TOX: variants seen among roughly 807,000 people sequenced by gnomAD.
TOX encodes the protein thymocyte selection-associated high mobility group box protein TOX.
In TOX, 11 loss-of-function variants were observed where a neutral mutation model predicts 53.7. The observed-to-expected ratio is 0.20, with a 90% CI of 0.13 to 0.34. The LOEUF (loss-of-function observed/expected upper bound fraction) is 0.34. TOX is among the 10% of genes least tolerant of loss of function. The pLI is 1.00. For synonymous variants in TOX, 225 were observed against 245.3 expected (o/e 0.92, Z 0.77); for missense variants, 570 against 664.6 (o/e 0.86, Z 1.56).
intron 1 of TOX, among the ~76,000 whole-genome samples, chr8:59,053,568 C>A (rs1803832654): frequency 6.6e-6 from 1 of 152,160 alleles, no homozygotes; most frequent in Non-Finnish European, 1.5e-5. Flanking sequence ...CTGTTCTGTA[C>A]TGACATTTTT....
chr8:59,101,976 T>C (rs1209308891), intron 1 of TOX, among the ~76,000 whole-genome samples: 1 of 152,136 alleles, frequency 6.6e-6, no homozygotes, highest in Non-Finnish European at 1.5e-5. Flanking sequence ...AGAAGCCCAC[T>C]GTGGGCAGGT....
At chr8:59,114,927 T>G (rs1359655458) in intron 1 of TOX, among the ~76,000 whole-genome samples, 1 of 152,196 alleles carries the variant, frequency 6.6e-6, no homozygotes, top group Non-Finnish European at 1.5e-5. Flanking sequence ...ATCAAATGTC[T>G]AATGTTTGTC....
Position 58,851,437 on chromosome 8 carries a change from TGGA to T in TOX, c.693+84_693+86del. The stretch of plus-strand genomic sequence containing the variant: ...GTGTCTCCCTCCAATGTTTCTCGCA[TGGA>T]TGATATAAACTTGTACCCAGCACAG... On this transcript the variant is annotated intron_variant, in intron 4 of 8. Transcript: ENST00000361421. The surrounding 1 kb of genome is among the most constrained non-coding windows in gnomAD (Gnocchi z 4.4). 6.9e-7 allele frequency: 1 copy of T among 1,454,028 alleles called. No homozygotes were observed. Among genetic ancestry groups the T allele is most frequent in the South Asian group, 1.3e-5 (1 of 78,430 alleles). 90.1% of individuals were successfully genotyped at this position (1,454,028 alleles called of 1,614,324 possible). A position where few individuals can be genotyped will look rare whatever the true frequency, so the allele number is the denominator to read the frequency against.
intron 2 of TOX, among the ~76,000 whole-genome samples, chr8:58,944,185 C>A (rs142362441): frequency 1.3e-5 from 2 of 152,142 alleles, no homozygotes; most frequent in South Asian, 4.1e-4. Flanking sequence ...GCAAGAGGCA[C>A]TGTGCATCAC....
chr8:58,885,774 T>C (rs917423378), intron 3 of TOX, among the ~76,000 whole-genome samples: 1 of 152,190 alleles, frequency 6.6e-6, no homozygotes, highest in Non-Finnish European at 1.5e-5. Flanking sequence ...TTAATTGCTA[T>C]ACCTCAATCC....
intron 1 of TOX, among the ~76,000 whole-genome samples, chr8:59,066,142 A>G (rs1474164119): frequency 6.6e-6 from 1 of 152,242 alleles, no homozygotes; most frequent in Non-Finnish European, 1.5e-5. Flanking sequence ...ATATTGCTGA[A>G]TGCTGGTCTT....
At chr8:58,981,109 C>T (rs966363870) in intron 1 of TOX, among the ~76,000 whole-genome samples, 9 of 152,138 alleles carry the variant, frequency 5.9e-5, no homozygotes, top group African/African-American at 1.9e-4. Context: ...GACTGCAGTT[C>T]GACTTCCTGT....
intron 3 of TOX, among the ~76,000 whole-genome samples, chr8:58,936,364 T>C (rs955615630): frequency 9.2e-5 from 14 of 152,346 alleles, no homozygotes; most frequent in Admixed American, 2.6e-4. Flanking sequence ...GAGTTCCTAC[T>C]GAGTTCATGG....
intron 7 of TOX, among the ~76,000 whole-genome samples, chr8:58,809,100 G>A (rs1471343300): frequency 2.0e-5 from 3 of 152,146 alleles, no homozygotes; most frequent in Admixed American, 1.3e-4. Context: ...TCTATACTAA[G>A]ATTTATTTTT....
intron 3 of TOX, among the ~76,000 whole-genome samples, chr8:58,869,173 G>T (rs536335245): frequency 6.8e-6 from 1 of 147,642 alleles, no homozygotes; most frequent in Middle Eastern, 3.7e-3. Context: ...GTTGCAGTGA[G>T]CTGAGATTGC....
chr8:58,906,266 A>G (rs2129173239), intron 3 of TOX, among the ~76,000 whole-genome samples: 1 of 152,346 alleles, frequency 6.6e-6, no homozygotes, highest in East Asian at 1.9e-4. Flanking sequence ...GTTGTGCAAG[A>G]AGAAAAAGAC....
chr8:59,062,602 T>A (rs1804005698), intron 1 of TOX, among the ~76,000 whole-genome samples: 1 of 152,190 alleles, frequency 6.6e-6, no homozygotes, highest in African/African-American at 2.4e-5. Flanking sequence ...AGCAGACAGC[T>A]TAGGGTCACT....
intron 1 of TOX, among the ~76,000 whole-genome samples, chr8:59,106,240 A>T (rs1431871035): frequency 1.3e-5 from 2 of 151,868 alleles, no homozygotes; most frequent in Non-Finnish European, 2.9e-5. Context: ...AAGTTATAGA[A>T]AGGCAATTGA....
intron 1 of TOX, among the ~76,000 whole-genome samples, chr8:59,049,023 C>T (rs1563429722): frequency 1.3e-5 from 2 of 151,556 alleles, no homozygotes; most frequent in African/African-American, 4.8e-5. Flanking sequence ...AGCTAGTTTG[C>T]AATCTATTCC....
At chr8:58,832,101 T>C (rs1810465442) in intron 5 of TOX, among the ~76,000 whole-genome samples, 1 of 146,270 alleles carries the variant, frequency 6.8e-6, no homozygotes, top group Admixed American at 6.8e-5. Flanking sequence ...ATACCAATAA[T>C]TGTATATGTG....
chr8:58,824,882 A>C (rs887093388), intron 6 of TOX, among the ~76,000 whole-genome samples: 4 of 152,196 alleles, frequency 2.6e-5, no homozygotes, highest in African/African-American at 9.7e-5. Flanking sequence ...GTGGGGAAAA[A>C]ATAGAGCTTG....
chr8:59,083,492 C>A (rs1317855938), intron 1 of TOX, among the ~76,000 whole-genome samples: 3 of 152,068 alleles, frequency 2.0e-5, no homozygotes, highest in Non-Finnish European at 2.9e-5. Context: ...TTAAAATCAA[C>A]ACCACAAGGA....
At chr8:59,064,385 C>T (rs1804049994) in intron 1 of TOX, among the ~76,000 whole-genome samples, 2 of 152,296 alleles carry the variant, frequency 1.3e-5, no homozygotes, top group Admixed American at 6.5e-5. Context: ...CAATTTTACC[C>T]ATATTGAATG....
chr8:59,065,832 C>A (rs536717706), intron 1 of TOX, among the ~76,000 whole-genome samples: 8 of 151,802 alleles, frequency 5.3e-5, no homozygotes, highest in Non-Finnish European at 1.2e-4. Context: ...ACATGAGAAC[C>A]AAAGTTCATG....
Sources: allele counts gnomAD v4.1 joint callset (sites outside exome capture counted in the v4.1 genomes callset), GRCh38; gene constraint gnomAD v4.1.1; non-coding constraint Gnocchi (gnomAD v3.1); transcripts MANE v1.5; gene names NCBI Gene and HGNC (gene_info 2026-07-23, HGNC 2026-07-21).